The following TRAPPC13 variants were observed in gnomAD, a reference collection of about 807,000 sequenced individuals.
TRAPPC13 encodes the protein REV7-interacting novel NHEJ regulator 1.
TRAPPC13 carries 39 observed loss-of-function variants against 54.0 expected under a neutral mutation model. That is an observed-to-expected ratio of 0.72 (90% CI 0.56 to 0.94). The LOEUF (loss-of-function observed/expected upper bound fraction) is 0.94, where lower values mean the gene tolerates loss of function less well. TRAPPC13 is among the 40% of genes least tolerant of loss of function. The pLI, the probability that TRAPPC13 is intolerant of heterozygous loss-of-function variation, is 0.00. For synonymous variants in TRAPPC13, 148 were observed against 167.7 expected (o/e 0.88, Z 0.91); for missense variants, 386 against 488.1 (o/e 0.79, Z 1.97).
intron 5 of TRAPPC13, among the ~76,000 whole-genome samples, chr5:65,648,286 CAAG>C (rs1171542928): frequency 2.0e-5 from 3 of 152,190 alleles, no homozygotes; most frequent in Non-Finnish European, 4.4e-5. Flanking sequence ...ACTACTTCCT[CAAG>C]AAGTTTTCCT....
chr5:65,651,861 T>TG (rs1756465258), intron 6 of TRAPPC13, among the ~76,000 whole-genome samples: 1 of 117,858 alleles, frequency 8.5e-6, no homozygotes, highest in Non-Finnish European at 1.7e-5. Context: ...TTTTTTTTTT[T>TG]TTTTTTTTTT....
chr5:65,658,645 G>A, intron 9 of TRAPPC13, 144 bp downstream of exon 9: 1 of 524,550 alleles, frequency 1.9e-6, no homozygotes, highest in East Asian at 3.5e-5. Flanking sequence ...AGAAAGTAGA[G>A]TTTCCACATA....
At chr5:65,638,422 G>A (rs1309640474) in intron 4 of TRAPPC13, among the ~76,000 whole-genome samples, 4 of 152,140 alleles carry the variant, frequency 2.6e-5, no homozygotes, top group African/African-American at 9.7e-5. Context: ...GGTTTCTTGG[G>A]GGAGAGGGAA....
intron 5 of TRAPPC13, among the ~76,000 whole-genome samples, chr5:65,649,934 G>A (rs1756363352): frequency 1.4e-5 from 2 of 144,784 alleles, no homozygotes; most frequent in African/African-American, 2.6e-5. Flanking sequence ...TCAGCTCACT[G>A]CAAGCTCTGC....
At chr5:65,640,580 T>A (rs1316673230) in intron 4 of TRAPPC13, among the ~76,000 whole-genome samples, 1 of 152,198 alleles carries the variant, frequency 6.6e-6, no homozygotes, top group Non-Finnish European at 1.5e-5. Flanking sequence ...AACCTCTACA[T>A]TCGATTGTGA....
rs144862994 is a variant in TRAPPC13, at chr5:65,633,520, G to A, written c.47-1781G>A. 6.2e-3 allele frequency among the ~76,000 whole-genome samples: 940 copies of A among 152,116 alleles called. 12 individuals are homozygous for A. Among genetic ancestry groups the A allele is most frequent in the African/African-American group, 0.021 (887 of 41,506 alleles). On this transcript the variant is annotated intron_variant, in intron 1 of 12. Coordinates refer to ENST00000399438, the MANE Select transcript of TRAPPC13 (RefSeq NM_024941.4). The stretch of plus-strand genomic sequence containing the variant: ...CCTGACCTCGTGATCCGCCCGCCTC[G>A]GCCTCCCAAAGTGCTGGGATTACAG...
intron 1 of TRAPPC13, among the ~76,000 whole-genome samples, chr5:65,626,445 C>G (rs1755234685): frequency 6.6e-6 from 1 of 152,178 alleles, no homozygotes; most frequent in African/African-American, 2.4e-5. Flanking sequence ...CTATTAAAAA[C>G]AGTTAAATTG....
chr5:65,660,958 C>A (rs1360293612), intron 10 of TRAPPC13, 61 bp downstream of exon 10: 7 of 1,405,356 alleles, frequency 5.0e-6, no homozygotes, highest in Non-Finnish European at 6.7e-6. Flanking sequence ...GTTAGAACAA[C>A]TTAATTTTTT....
chr5:65,658,191 A>C, intron 8 of TRAPPC13, 177 bp from the exon 9 acceptor site: 1 of 527,672 alleles, frequency 1.9e-6, no homozygotes, highest in Non-Finnish European at 3.1e-6. Context: ...TGCCCCTGTT[A>C]ATTATGATAG....
rs1223685186 is a variant in TRAPPC13 at position 65,629,915 on chromosome 5, G to A, written c.46+4809G>A. 6.5e-6 allele frequency: 10 copies of A among 1,535,944 alleles called. No individual in the cohort carries two copies. The East Asian group carries it at 2.2e-4, about 34-fold the overall frequency. ...TTTAACCTGGTCACACACACTGAAGGAACAGACTAATTCTGGAAATCTGGG... is the reference window on the plus strand; with the variant it reads ...TTTAACCTGGTCACACACACTGAAGAAACAGACTAATTCTGGAAATCTGGG... On this transcript the variant is annotated intron_variant, in intron 1 of 12. Transcript: ENST00000399438.
At chr5:65,641,980 A>C (rs1755983881) in intron 4 of TRAPPC13, among the ~76,000 whole-genome samples, 1 of 151,606 alleles carries the variant, frequency 6.6e-6, no homozygotes, top group Non-Finnish European at 1.5e-5. Flanking sequence ...CATTTCATGT[A>C]GATTTTCACA....
rs1439221046 is a variant in TRAPPC13 at position 65,662,383 on chromosome 5, C to T, written c.998+233C>T. The T allele has an allele frequency of 2.1e-5, 7 of 336,120 alleles. No individual in the cohort carries two copies. The East Asian group carries it at 3.8e-4, about 18-fold the overall frequency. 20.8% of individuals were successfully genotyped at this position (336,120 alleles called of 1,614,324 possible). ...TTTTATTTCATTCATTTGTCACACC[C>T]TATGAGGTAGGTATTCATTGTTTAT... is the stretch of plus-strand genomic sequence containing the variant. On this transcript the variant is annotated intron_variant, in intron 11 of 12. Coordinates refer to ENST00000399438, the MANE Select transcript of TRAPPC13 (RefSeq NM_024941.4).
intron 8 of TRAPPC13, 63 bp downstream of exon 8, chr5:65,655,716 TA>T: frequency 1.7e-6 from 1 of 602,940 alleles, no homozygotes; most frequent in Non-Finnish European, 2.5e-6. Flanking sequence ...TGACTCTGCC[TA>T]ATTAATCTCT....
intron 8 of TRAPPC13, among the ~76,000 whole-genome samples, chr5:65,655,926 G>A (rs567257292): frequency 6.6e-6 from 1 of 151,624 alleles, no homozygotes. Flanking sequence ...TTTTAAAGAG[G>A]TATGTTACCT....
At chr5:65,646,988 GCCATGCACA>G in intron 4 of TRAPPC13, 58 bp from the exon 5 acceptor site, 3 of 1,408,746 alleles carry the variant, frequency 2.1e-6, no homozygotes, top group Non-Finnish European at 2.8e-6. Flanking sequence ...TCCACTCATA[GCCATGCACA>G]CCCTGTAGGT....
At chr5:65,631,056 G>C (rs1433630746) in intron 1 of TRAPPC13, among the ~76,000 whole-genome samples, 1 of 152,160 alleles carries the variant, frequency 6.6e-6, no homozygotes, top group Non-Finnish European at 1.5e-5. Flanking sequence ...AACAGTAAAA[G>C]TTTTGTAGAA....
At chr5:65,663,147 T>C (rs1361931366) in intron 11 of TRAPPC13, 2 of 152,116 alleles carry the variant, frequency 1.3e-5, no homozygotes, top group Non-Finnish European at 2.9e-5. Context: ...TTTTGGTTTT[T>C]TTTTTAAGTT....
At chr5:65,648,931 T>G (rs1756309376) in intron 5 of TRAPPC13, among the ~76,000 whole-genome samples, 1 of 152,166 alleles carries the variant, frequency 6.6e-6, no homozygotes, top group Non-Finnish European at 1.5e-5. Flanking sequence ...ACACAGTTTT[T>G]GGGCCGGGTG....
rs1028084970 is a variant in TRAPPC13, at chr5:65,628,265, G to C, written c.46+3159G>C. Reference sequence around the variant, plus strand: ...TTCTCTTCCAAACTGGAATTCAAAAGCCATGGTATTGGGGTCTCCATACTG... The same window carrying C: ...TTCTCTTCCAAACTGGAATTCAAAACCCATGGTATTGGGGTCTCCATACTG... On this transcript the variant is annotated intron_variant, in intron 1 of 12. Coordinates refer to ENST00000399438, the MANE Select transcript of TRAPPC13 (RefSeq NM_024941.4). Among the ~76,000 whole-genome samples, 7 of 152,222 alleles carry C rather than the reference G, an allele frequency of 4.6e-5. No homozygotes were observed. In the South Asian group the frequency reaches 8.3e-4, roughly 18 times the overall value.
Sources: allele counts gnomAD v4.1 joint callset (sites outside exome capture counted in the v4.1 genomes callset), GRCh38; gene constraint gnomAD v4.1.1; transcripts MANE v1.5; gene names NCBI Gene and HGNC (gene_info 2026-07-23, HGNC 2026-07-21).